Variants in MIA2 observed in about 807,000 individuals in gnomAD.
MIA2 encodes the protein melanoma inhibitory activity protein 2.
In MIA2, 127 loss-of-function variants were observed where a neutral mutation model predicts 167.8. That is an observed-to-expected ratio of 0.76 (90% CI 0.66 to 0.88). The LOEUF (loss-of-function observed/expected upper bound fraction) is 0.88, where lower values mean the gene tolerates loss of function less well. Among genes scored for constraint, MIA2 ranks in the 40% least tolerant of loss-of-function variants. The pLI, the probability that MIA2 is intolerant of heterozygous loss-of-function variation, is 0.00. For synonymous variants in MIA2, 552 were observed against 541.9 expected (o/e 1.02, Z -0.26); for missense variants, 1,690 against 1,624.7 (o/e 1.04, Z -0.69).
At chr14:39,337,419 G>A (rs1169189317) in intron 25 of MIA2, among the ~76,000 whole-genome samples, 2 of 152,136 alleles carry the variant, frequency 1.3e-5, no homozygotes, top group African/African-American at 4.8e-5. Flanking sequence ...ACTGAACAGT[G>A]CCCTCAACCA....
chr14:39,305,215 G>T (rs754199187), intron 17 of MIA2, among the ~76,000 whole-genome samples: 3 of 152,102 alleles, frequency 2.0e-5, no homozygotes, highest in Non-Finnish European at 4.4e-5. Context: ...TATAGTAATT[G>T]GATTATTTTT....
chr14:39,270,587 G>A (rs1319999090), intron 6 of MIA2, among the ~76,000 whole-genome samples: 2 of 151,930 alleles, frequency 1.3e-5, no homozygotes, highest in Non-Finnish European at 2.9e-5. Context: ...GGAGCGTAGT[G>A]GCGTGATCAT....
intron 6 of MIA2, among the ~76,000 whole-genome samples, chr14:39,263,218 A>G (rs1250551131): frequency 1.3e-5 from 2 of 152,128 alleles, no homozygotes; most frequent in Non-Finnish European, 2.9e-5. Flanking sequence ...GAGAGTTTTT[A>G]GCATGAAGGG....
intron 13 of MIA2, among the ~76,000 whole-genome samples, chr14:39,297,944 CTA>C (rs1490325875): frequency 6.6e-6 from 1 of 152,004 alleles, no homozygotes; most frequent in Admixed American, 6.6e-5. Flanking sequence ...TAAGTTCTCT[CTA>C]GTTGGTTGAG....
chr14:39,247,890 T>C lies in MIA2; in HGVS notation c.1316T>C (p.Ile439Thr). 6.3e-7 allele frequency: 1 copy of C among 1,589,728 alleles called. No homozygotes were observed. The highest frequency in any genetic ancestry group is 8.5e-7 in the Non-Finnish European group (1 of 1,173,980). ...AAAATTATAGAAACAGAAGATCAAA[T>C]AGACAAGAAACCAGTCTCAGAAAAA... ...TIKIIETEDQIDKKPVSEKTD... is the reference protein window; with the variant it reads ...TIKIIETEDQTDKKPVSEKTD... Residue 439 changes from isoleucine (I) to threonine (T), a missense_variant, in exon 4 of 29, where the codon ATA becomes ACA. Physicochemically the swap from Ile to Thr is moderately conservative, Grantham distance 89. Coordinates refer to ENST00000640607, the MANE Select transcript of MIA2 (RefSeq NM_001329214.4).
At chr14:39,326,003 T>G (rs7146146) in intron 24 of MIA2, among the ~76,000 whole-genome samples, 53,306 of 152,210 alleles carry the variant, frequency 0.35, 10,913 homozygotes, top group Non-Finnish European at 0.46. Context: ...CATGGGCCAC[T>G]GCGTCCAGCC....
At chr14:39,365,485 C>CT (rs906545181) in intron 23 of MIA2, among the ~76,000 whole-genome samples, 16 of 151,706 alleles carry the variant, frequency 1.1e-4, no homozygotes, top group Non-Finnish European at 7.4e-5. Context: ...ATTATTTTTT[C>CT]TTTTTTTTGC....
At position 39,272,267 on chromosome 14, in the gene MIA2, G is replaced by A. The variant is rs146879766; in HGVS notation, c.1888-4667G>A. Among the ~76,000 whole-genome samples, 13 of 152,214 alleles carry A rather than the reference G, an allele frequency of 8.5e-5. No homozygotes were observed. The East Asian group carries it at 2.3e-3, about 27-fold the overall frequency. The stretch of plus-strand genomic sequence containing the variant: ...CTCAGGAGGCTGAGGCAGGAGAATC[G>A]CTTGAACCCGGGAGGCGGAGGTTGC... On this transcript the variant is annotated intron_variant, in intron 6 of 28. Coordinates refer to ENST00000640607, the MANE Select transcript of MIA2 (RefSeq NM_001329214.4).
chr14:39,350,306 AT>A lies in MIA2; in HGVS notation c.*46del. The A allele has an allele frequency of 1.1e-6, 1 of 893,298 alleles. No homozygotes were observed. 55.3% of individuals were successfully genotyped at this position (893,298 alleles called of 1,614,324 possible). On this transcript the variant is annotated 3_prime_UTR_variant, in exon 29 of 29. Transcript: ENST00000640607. ...TTCAAAAGTAATTTTGACTGATCTC[AT>A]TTTCAGTTTAAGTAACTGCTGTTAC...
rs753465957 is a variant in MIA2 at position 39,302,221 on chromosome 14, C to T, written c.2712C>T (p.Asn904=). The change falls in exon 15 of 29, where the codon AAC becomes AAT. Residue 904 remains asparagine (N), a synonymous_variant. Transcript: ENST00000640607. ...ATGATAACTTGGAATTAGAAATGAA[C>T]AGTGAATCGGAAAATGGTGCTTACT... The part of the protein sequence containing the change: ...TDDDNLELEM[N]SESENGAYLD... The T allele has an allele frequency of 6.2e-7, 1 of 1,613,636 alleles. No individual in the cohort carries two copies.
intron 9 of MIA2, among the ~76,000 whole-genome samples, chr14:39,287,861 T>G (rs2060033920): frequency 6.6e-6 from 1 of 152,106 alleles, no homozygotes; most frequent in Non-Finnish European, 1.5e-5. Flanking sequence ...ATTTAGTTTT[T>G]TGAGACAAGG....
Position 39,247,062 on chromosome 14 carries a change from C to A in MIA2, c.488C>A (p.Pro163His). Reference protein sequence around the residue: ...SIYESDFQIEPGFYATYESTL... With the variant: ...SIYESDFQIEHGFYATYESTL... The stretch of plus-strand genomic sequence containing the variant: ...TATGAAAGTGATTTTCAGATAGAAC[C>A]TGGATTTTATGCAACTTATGAAAGT... The change falls in exon 4 of 29, where the codon CCT becomes CAT. Residue 163 changes from proline to histidine, a missense_variant. Physicochemically the swap from Pro to His is moderately conservative, Grantham distance 77 (BLOSUM62 -2). Transcript: ENST00000640607. 2 of 1,606,344 alleles carry A rather than the reference C, an allele frequency of 1.2e-6. No individual in the cohort carries two copies. The highest frequency in any genetic ancestry group is 1.7e-6 in the Non-Finnish European group (2 of 1,178,110).
At chr14:39,240,520 G>C (rs1219088763) in intron 2 of MIA2, 41 bp from the exon 3 acceptor site, 1 of 1,479,322 alleles carries the variant, frequency 6.8e-7, no homozygotes, top group Non-Finnish European at 9.4e-7. Context: ...TTATTGCTTT[G>C]ATCATTCTTC....
chr14:39,245,071 C>T (rs893331117), intron 3 of MIA2, among the ~76,000 whole-genome samples: 1 of 56,810 alleles, frequency 1.8e-5, no homozygotes, highest in African/African-American at 6.4e-5. Context: ...GGCCGCCGCA[C>T]CTAGCTAACC....
At chr14:39,281,335 T>C (rs1275118162) in intron 9 of MIA2, among the ~76,000 whole-genome samples, 1 of 152,312 alleles carries the variant, frequency 6.6e-6, no homozygotes, top group Non-Finnish European at 1.5e-5. Context: ...CTTTTTATTA[T>C]ATCTCATCTG....
At chr14:39,325,239 T>G (rs199878158) in intron 24 of MIA2, among the ~76,000 whole-genome samples, 10 of 151,146 alleles carry the variant, frequency 6.6e-5, no homozygotes, top group Non-Finnish European at 1.5e-5. Context: ...AAAAAAAAAA[T>G]GTTTTTAAAG....
At chr14:39,347,552 G>T in intron 26 of MIA2, 161 bp from the exon 27 acceptor site, 1 of 625,274 alleles carries the variant, frequency 1.6e-6, no homozygotes, top group South Asian at 1.9e-5. Context: ...GAATTTCTAG[G>T]GACCTCAAGC....
At chr14:39,239,687 A>G (rs551963982) in intron 2 of MIA2, among the ~76,000 whole-genome samples, 2 of 152,334 alleles carry the variant, frequency 1.3e-5, no homozygotes, top group South Asian at 2.1e-4. Flanking sequence ...TTTATTTACT[A>G]TACGTGAAAA....
At chr14:39,275,088 AATT>A (rs1455260225) in intron 6 of MIA2, among the ~76,000 whole-genome samples, 145 of 134,848 alleles carry the variant, frequency 1.1e-3, no homozygotes, top group East Asian at 4.7e-3. Flanking sequence ...AAAAAAAAAA[AATT>A]TTTTTTTTTT....
Sources: gnomAD v4.1 joint callset for allele counts (sites outside exome capture counted in the v4.1 genomes callset) on GRCh38, gnomAD v4.1.1 for gene constraint, MANE v1.5 for transcripts, NCBI Gene and HGNC (gene_info 2026-07-23, HGNC 2026-07-21) for gene names.